TTN: variants seen among roughly 807,000 people sequenced by gnomAD.
TTN encodes the protein titin.
In TTN, 1,525 loss-of-function variants were observed where a neutral mutation model predicts 3,223.0. The observed-to-expected ratio is 0.47, with a 90% CI of 0.45 to 0.49. The LOEUF (loss-of-function observed/expected upper bound fraction) is 0.49. Ranked by LOEUF, TTN falls within the 20% of genes least tolerant of loss-of-function variation. TTN has a pLI of 0.00. For synonymous variants in TTN, 14,094 were observed against 15,161.0 expected (o/e 0.93, Z 5.17); for missense variants, 40,786 against 43,424.0 (o/e 0.94, Z 5.40).
At position 178,535,053 on chromosome 2, in the gene TTN, C is replaced by G; in HGVS notation, c.101562G>C (p.Gly33854=). The change falls in exon 358 of 363, where the codon GGG becomes GGC. Residue 33854 remains glycine (G), a synonymous_variant. Coordinates refer to ENST00000589042, the MANE Select transcript of TTN (RefSeq NM_001267550.2). The stretch of plus-strand genomic sequence containing the variant: ...CCTTCTTTACCAAAACCTGATCAGT[C>G]CCTTTGACTTTAACAAATTTGGCCA... ...TYMAKFVKVK[G]TDQVLVKKEI... is the part of the protein sequence containing the mutation. 2 of 1,613,900 alleles carry G rather than the reference C, an allele frequency of 1.2e-6. No homozygotes were observed. Among genetic ancestry groups the G allele is most frequent in the Middle Eastern group, 1.6e-4 (1 of 6,062 alleles).
chr2:178,717,545 G>A lies in TTN; in HGVS notation c.25329C>T (p.Ser8443=), dbSNP rs1270174085. 2.5e-6 allele frequency: 4 copies of A among 1,609,436 alleles called. No individual in the cohort carries two copies. The highest frequency in any genetic ancestry group is 1.7e-4 in the Middle Eastern group (1 of 6,028). Residue 8443 remains serine (S), a synonymous_variant, in exon 87 of 363, where the codon TCC becomes TCT. Transcript: ENST00000589042. The part of the protein sequence containing the change: ...SASNPLGTAS[S]SAKLILSEHE... ...CACCTGAGAGAATGAGCTTGGCACT[G>A]GATGAAGCAGTCCCAAGAGGATTAG... is the stretch of plus-strand genomic sequence containing the variant.
intron 354 of TTN, chr2:178,538,303 A>G (rs1016980194): frequency 8.1e-6 from 4 of 494,358 alleles, no homozygotes; most frequent in Non-Finnish European, 1.4e-5. Context: ...AAACCATTGC[A>G]TTAGAGGGAA....
chr2:178,664,186 T>G, intron 168 of TTN, 88 bp from the exon 169 acceptor site: 3 of 1,327,584 alleles, frequency 2.3e-6, no homozygotes, highest in Admixed American at 2.4e-5. Context: ...AAGAGCTATT[T>G]TTTTCTCCTG....
In TTN at chr2:178,612,101, T is replaced by C; in HGVS notation, c.50310A>G (p.Leu16770=). The C allele has an allele frequency of 1.2e-6, 2 of 1,612,028 alleles. No individual in the cohort carries two copies. Among genetic ancestry groups the C allele is most frequent in the Non-Finnish European group, 1.7e-6 (2 of 1,178,966 alleles). The change falls in exon 267 of 363, where the codon CTA becomes CTG. Residue 16770 remains leucine (L), a synonymous_variant. Coordinates refer to ENST00000589042, the MANE Select transcript of TTN (RefSeq NM_001267550.2). ...VVDVTKRHVD[L]KWEPPKNDGG... is the part of the protein sequence containing the mutation. ...CATCATTTTTAGGTGGCTCCCACTT[T>C]AGGTCAACATGTCGTTTTGTCACAT...
Position 178,618,287 on chromosome 2 carries a change from C to G in TTN, c.47171G>C (p.Gly15724Ala). 3 of 1,612,742 alleles carry G rather than the reference C, an allele frequency of 1.9e-6. No individual in the cohort carries two copies. Among genetic ancestry groups the G allele is most frequent in the Middle Eastern group, 1.7e-4 (1 of 6,046 alleles). The change falls in exon 252 of 363, where the codon GGA (glycine) becomes GCA (alanine). Residue 15724 changes from glycine (G) to alanine (A), a missense_variant. Transcript: ENST00000589042. Reference protein sequence around the residue: ...CEFTVTGLQKGGVEYLFRVSA... With the variant: ...CEFTVTGLQKAGVEYLFRVSA... ...CACACGGAATAGGTACTCAACTCCT[C>G]CTTTCTGTAGACCAGTGACAGTAAA... is the stretch of plus-strand genomic sequence containing the variant.
Position 178,640,596 on chromosome 2 carries a change from C to T in TTN, c.40668G>A (p.Glu13556=). Reference sequence around the variant, plus strand: ...TTTTTGTAACAGTAGGTACTTCAACCTCTTCAACAGGTTTTGGAGGTGGTG... The same window carrying T: ...TTTTTGTAACAGTAGGTACTTCAACTTCTTCAACAGGTTTTGGAGGTGGTG... The part of the protein sequence containing the change: ...PEPPPPKPVE[E]VEVPTVTKRE... Residue 13556 remains glutamate (E), a synonymous_variant, in exon 221 of 363, where the codon GAG becomes GAA. Coordinates refer to ENST00000589042, the MANE Select transcript of TTN (RefSeq NM_001267550.2). 6.3e-7 allele frequency: 1 copy of T among 1,594,356 alleles called. No individual in the cohort carries two copies.
chr2:178,569,235 T>C lies in TTN; in HGVS notation c.76897A>G (p.Ile25633Val). ...EPPLLDGGSK[I>V]KNYIVEKREA... ...CGTTTCTCAACAATGTAATTTTTTA[T>C]TTTGGATCCCCCATCCAACAAAGGA... Residue 25633 changes from isoleucine to valine, a missense_variant, in exon 326 of 363, where the codon ATA (isoleucine) becomes GTA (valine). Physicochemically the swap from Ile to Val is conservative, Grantham distance 29. Transcript: ENST00000589042. The C allele has an allele frequency of 6.2e-7, 1 of 1,603,574 alleles. No homozygotes were observed. The highest frequency in any genetic ancestry group is 8.5e-7 in the Non-Finnish European group (1 of 1,174,242).
chr2:178,636,097 C>T lies in TTN; in HGVS notation c.41474G>A (p.Arg13825Gln), dbSNP rs727504774. ...CAAGCCAATGACGCCTGGCACAATT[C>T]GGCCAGGTTTCTCCACCACAATCTT... The part of the protein sequence containing the change: ...DGKIVVEKPG[R>Q]IVPGVIGLMR... The change falls in exon 226 of 363, where the codon CGA becomes CAA. Residue 13825 changes from arginine (R) to glutamine (Q), a missense_variant. By Grantham distance (43) the Arg-to-Gln change is conservative. Coordinates refer to ENST00000589042, the MANE Select transcript of TTN (RefSeq NM_001267550.2). This position sits in a 1 kb window ranked among gnomAD's most constrained non-coding sequence, Gnocchi z 4.3. 2.6e-5 allele frequency: 42 copies of T among 1,613,054 alleles called. No individual in the cohort carries two copies. The highest frequency in any genetic ancestry group is 1.6e-4 in the Middle Eastern group (1 of 6,076).
At chr2:178,744,278 G>A (rs75210824) in intron 47 of TTN, 33,242 of 709,316 alleles carry the variant, frequency 0.047, 1,017 homozygotes, top group East Asian at 0.19. Flanking sequence ...TATTTCTCTC[G>A]TCCTTTGTTA....
At chr2:178,538,087 A>G in intron 354 of TTN, 170 bp from the exon 355 acceptor site, 1 of 646,386 alleles carries the variant, frequency 1.5e-6, no homozygotes, top group Non-Finnish European at 2.6e-6. Context: ...TCATATGGTA[A>G]ATAGGGATTC....
Position 178,739,566 on chromosome 2 carries a change from A to G in TTN, c.13667T>C (p.Val4556Ala), listed in dbSNP as rs776109402. The G allele has an allele frequency of 8.1e-6, 13 of 1,613,812 alleles. No individual in the cohort carries two copies. The highest frequency in any genetic ancestry group is 1.1e-5 in the Non-Finnish European group (13 of 1,179,824). Residue 4556 changes from valine to alanine, a missense_variant, in exon 48 of 363, where the codon GTT becomes GCT. By Grantham distance (64) the Val-to-Ala change is moderately conservative (BLOSUM62 0). Transcript: ENST00000589042. The part of the protein sequence containing the change: ...YLDATPVTKG[V>A]ASAVVSDEKQ... ...TTCGTCAGAGACAACAGCTGAAGCA[A>G]CCCCTTTAGTGACAGGTGTGGCATC...
rs562147576 is a variant in TTN, at chr2:178,655,246, A to C, written c.38039-251T>G. Among the ~76,000 whole-genome samples the C allele has an allele frequency of 3.6e-5, 5 of 139,882 alleles. No individual in the cohort carries two copies. The East Asian group carries it at 6.1e-4, about 17-fold the overall frequency. 91.8% of individuals were successfully genotyped at this position (139,882 alleles called of 152,430 possible). A position where few individuals can be genotyped will look rare whatever the true frequency, so the allele number is the denominator to read the frequency against. ...CAAAATTCAACAGCCCTTCATGCTA[A>C]AGACTCTCAATAAATTAGGTATTGA... On this transcript the variant is annotated intron_variant, in intron 189 of 362. Coordinates refer to ENST00000589042, the MANE Select transcript of TTN (RefSeq NM_001267550.2).
In TTN at chr2:178,707,778, T is replaced by A. The variant is rs761562146; in HGVS notation, c.28789A>T (p.Thr9597Ser). The A allele has an allele frequency of 6.2e-7, 1 of 1,612,182 alleles. No homozygotes were observed. Among genetic ancestry groups the A allele is most frequent in the Non-Finnish European group, 8.5e-7 (1 of 1,178,554 alleles). Residue 9597 changes from threonine (T) to serine (S), a missense_variant, in exon 100 of 363, where the codon ACT becomes TCT. Transcript: ENST00000589042. ...TCTCCTTCACTCACTGTTACTGGAG[T>A]AAGGTGCTGATCAAATACAGGTGGC... is the stretch of plus-strand genomic sequence containing the variant. ...KKPPVFDQHL[T>S]PVTVSEGEYV... is the part of the protein sequence containing the mutation.
In TTN at chr2:178,609,729, C is replaced by A; in HGVS notation, c.51694G>T (p.Glu17232Ter). The A allele has an allele frequency of 6.2e-7, 1 of 1,610,054 alleles. No individual in the cohort carries two copies. Among genetic ancestry groups the A allele is most frequent in the Non-Finnish European group, 8.5e-7 (1 of 1,177,244 alleles). ...VRAENAAGIS[E>*]PSRATPPTKA... ...GTTGGAGGAGTAGCCCGAGAAGGTT[C>A]ACTAATACCCGCGGCGTTCTCTGCT... Residue 17232 changes from glutamate (E) to a stop codon, truncating the protein, a stop_gained, in exon 272 of 363, where the codon GAA becomes TAA. Transcript: ENST00000589042. LOFTEE classifies it high-confidence loss of function.
intron 50 of TTN, 44 bp from the exon 51 acceptor site, chr2:178,735,032 A>T: frequency 1.4e-6 from 2 of 1,481,054 alleles, no homozygotes; most frequent in Non-Finnish European, 1.8e-6. Context: ...GATATCTGAA[A>T]CATAAACTCC....
intron 6 of TTN, among the ~76,000 whole-genome samples, chr2:178,795,592 A>G (rs762287387): frequency 2.0e-5 from 3 of 152,166 alleles, no homozygotes; most frequent in Non-Finnish European, 4.4e-5. Context: ...CAAATCCAGC[A>G]ACCTCTGTAT....
At position 178,779,234 on chromosome 2, in the gene TTN, G is replaced by A; in HGVS notation, c.3958C>T (p.Pro1320Ser). 3 of 1,613,452 alleles carry A rather than the reference G, an allele frequency of 1.9e-6. No individual in the cohort carries two copies. The highest frequency in any genetic ancestry group is 1.7e-6 in the Non-Finnish European group (2 of 1,179,778). ...FHCKMSGYPLPKIAWYKDGKR... is the reference protein window; with the variant it reads ...FHCKMSGYPLSKIAWYKDGKR... Reference sequence around the variant, plus strand: ...GATAAATGTTTATATTTTACCTTTGGTAATGGATATCCAGACATCTTGCAA... The same window carrying A: ...GATAAATGTTTATATTTTACCTTTGATAATGGATATCCAGACATCTTGCAA... The change falls in exon 23 of 363, where the codon CCA becomes TCA. Residue 1320 changes from proline (P) to serine (S), a missense_variant. Pro to Ser is a moderately conservative substitution (Grantham distance 74). Transcript: ENST00000589042.
Position 178,725,516 on chromosome 2 carries a change from T to C in TTN, c.20688A>G (p.Arg6896=), listed in dbSNP as rs1560728940. The change falls in exon 71 of 363, where the codon AGA becomes AGG. Residue 6896 remains arginine, a synonymous_variant. Coordinates refer to ENST00000589042, the MANE Select transcript of TTN (RefSeq NM_001267550.2). Reference sequence around the variant, plus strand: ...ATGTAATCCTGATGTTTTCACTTTCTCTAATCACTTCTTCCTTCTCTTTAA... The same window carrying C: ...ATGTAATCCTGATGTTTTCACTTTCCCTAATCACTTCTTCCTTCTCTTTAA... ...QWLKEKEEVI[R]ESENIRITFV... is the part of the protein sequence containing the mutation. The C allele has an allele frequency of 6.2e-7, 1 of 1,613,394 alleles. No homozygotes were observed. The highest frequency in any genetic ancestry group is 1.1e-5 in the South Asian group (1 of 91,022).
rs1451009964 is a variant in TTN at position 178,616,837 on chromosome 2, C to A, written c.48052G>T (p.Ala16018Ser). The A allele has an allele frequency of 2.5e-6, 4 of 1,612,562 alleles. No individual in the cohort carries two copies. The African/African-American group carries it at 5.3e-5, about 22-fold the overall frequency. ...RVKMKTLSAY[A>S]ELVISPSERS... ...TCACTTGGAGAAATGACAAGTTCGG[C>A]ATAGGCAGACAAGGTCTTCATTTTC... is the stretch of plus-strand genomic sequence containing the variant. The change falls in exon 256 of 363, where the codon GCC becomes TCC. Residue 16018 changes from alanine (A) to serine (S), a missense_variant. Transcript: ENST00000589042.
Sources: allele counts gnomAD v4.1 joint callset (sites outside exome capture counted in the v4.1 genomes callset), GRCh38; gene constraint gnomAD v4.1.1; non-coding constraint Gnocchi (gnomAD v3.1); transcripts MANE v1.5; gene names NCBI Gene and HGNC (gene_info 2026-07-23, HGNC 2026-07-21).